Variants in WDPCP observed in about 807,000 individuals in gnomAD.
WDPCP encodes WD repeat-containing and planar cell polarity effector protein fritz homolog.
WDPCP carries 71 observed loss-of-function variants against 93.1 expected under a neutral mutation model. The observed-to-expected ratio is 0.76, with a 90% CI of 0.63 to 0.93. The LOEUF (loss-of-function observed/expected upper bound fraction) is 0.93. Ranked by LOEUF, WDPCP falls within the 40% of genes least tolerant of loss-of-function variation. The probability of loss-of-function intolerance (pLI) is 0.00; values close to 1 mark genes in which losing one functional copy is unlikely to be tolerated. For synonymous variants in WDPCP, 315 were observed against 315.0 expected (o/e 1.00, Z 0.00); for missense variants, 844 against 887.4 (o/e 0.95, Z 0.62).
At chr2:63,727,005 C>T (rs1270214406) in intron 2 of WDPCP, among the ~76,000 whole-genome samples, 1 of 152,194 alleles carries the variant, frequency 6.6e-6, no homozygotes, top group Non-Finnish European at 1.5e-5. Context: ...ATAAGTTTGA[C>T]TTCTCTCCCT....
chr2:63,622,093 A>AGTTTTT, intron 3 of WDPCP: 1 of 515,182 alleles, frequency 1.9e-6, no homozygotes, highest in Non-Finnish European at 2.5e-6. Flanking sequence ...TTGGAAGTTG[A>AGTTTTT]TTTTTAATGA....
chr2:63,347,770 T>C (rs1449666034), intron 12 of WDPCP, among the ~76,000 whole-genome samples: 1 of 151,180 alleles, frequency 6.6e-6, no homozygotes, highest in East Asian at 2.0e-4. Flanking sequence ...TGAGCTTTAT[T>C]GAGTCCCAGC....
At chr2:63,764,466 C>T (rs931511470) in intron 2 of WDPCP, among the ~76,000 whole-genome samples, 1 of 152,036 alleles carries the variant, frequency 6.6e-6, no homozygotes, top group Non-Finnish European at 1.5e-5. Flanking sequence ...CTGGGATGAT[C>T]CTGGAAGACC....
intron 14 of WDPCP, among the ~76,000 whole-genome samples, chr2:63,218,527 ATTT>A (rs1553563047): frequency 6.8e-6 from 1 of 147,846 alleles, no homozygotes; most frequent in Admixed American, 6.9e-5. Context: ...TTATTTATTT[ATTT>A]TATTATTATT....
intron 9 of WDPCP, among the ~76,000 whole-genome samples, chr2:63,420,237 TA>T (rs1285708043): frequency 6.6e-6 from 1 of 151,702 alleles, no homozygotes; most frequent in Admixed American, 6.6e-5. Flanking sequence ...ATGAAATAAA[TA>T]TTGGCCAGGC....
intron 2 of WDPCP, among the ~76,000 whole-genome samples, chr2:63,651,181 G>C (rs1710105029): frequency 6.6e-6 from 1 of 152,192 alleles, no homozygotes; most frequent in African/African-American, 2.4e-5. Flanking sequence ...GGAATGTTTA[G>C]AGAGGAAAAT....
chr2:63,673,153 T>A (rs979951892), intron 2 of WDPCP, among the ~76,000 whole-genome samples: 9 of 152,158 alleles, frequency 5.9e-5, no homozygotes, highest in African/African-American at 2.2e-4. Context: ...GGTACCTAAG[T>A]GCTTGATAAA....
intron 2 of WDPCP, among the ~76,000 whole-genome samples, chr2:63,664,450 G>C (rs191154794): frequency 6.6e-6 from 1 of 152,298 alleles, no homozygotes; most frequent in East Asian, 1.9e-4. Flanking sequence ...ACTGCCCCTG[G>C]ATACTGGAGG....
At chr2:63,569,546 A>G (rs1352181251) in intron 1 of WDPCP, among the ~76,000 whole-genome samples, 4 of 152,222 alleles carry the variant, frequency 2.6e-5, no homozygotes, top group Non-Finnish European at 5.9e-5. Flanking sequence ...AAAGACGGGA[A>G]GGTCCAAAGA....
At chr2:63,492,465 G>C (rs1700946998) in intron 2 of WDPCP, among the ~76,000 whole-genome samples, 1 of 151,050 alleles carries the variant, frequency 6.6e-6, no homozygotes, top group Admixed American at 6.6e-5. Context: ...AAAAAAAATT[G>C]AATATGTATC....
chr2:63,211,180 G>A (rs1015642156), intron 14 of WDPCP, among the ~76,000 whole-genome samples: 4 of 152,190 alleles, frequency 2.6e-5, no homozygotes, highest in Non-Finnish European at 5.9e-5. Flanking sequence ...CCTGACCCCC[G>A]AGTAGCCTAA....
Position 63,796,731 on chromosome 2 carries a change from T to C in WDPCP, n.308+16891A>G, listed in dbSNP as rs546901817. Among the ~76,000 whole-genome samples, 29 of 152,312 alleles carry C rather than the reference T, an allele frequency of 1.9e-4. No individual in the cohort carries two copies. The South Asian group carries it at 6.0e-3, about 32-fold the overall frequency. On this transcript the variant is annotated intron_variant and non_coding_transcript_variant, in intron 2 of 4. Transcript: ENST00000467687. ...GAGTTCTTACTACCACAGGATAAAA[T>C]GCTCTGGGATCCTAAATAAACTTGA...
intron 6 of WDPCP, among the ~76,000 whole-genome samples, chr2:63,461,892 G>A (rs1456383839): frequency 1.3e-5 from 2 of 152,170 alleles, no homozygotes; most frequent in Non-Finnish European, 2.9e-5. Flanking sequence ...AAGCAGAGGA[G>A]TAACAAATTT....
chr2:63,529,770 T>C (rs893118869), intron 1 of WDPCP, among the ~76,000 whole-genome samples: 11 of 152,194 alleles, frequency 7.2e-5, no homozygotes, highest in East Asian at 1.9e-4. Context: ...TCAGAAGGAA[T>C]GGTACCAGCT....
At chr2:63,506,981 GAGAA>G (rs749168418) in intron 1 of WDPCP, among the ~76,000 whole-genome samples, 8 of 152,058 alleles carry the variant, frequency 5.3e-5, no homozygotes, top group Admixed American at 1.3e-4. Flanking sequence ...GAAACGTACA[GAGAA>G]AGAGAGAGAG....
chr2:63,175,063 T>C (rs1243085568), intron 14 of WDPCP, among the ~76,000 whole-genome samples: 1 of 152,184 alleles, frequency 6.6e-6, no homozygotes, highest in Non-Finnish European at 1.5e-5. Context: ...AAAAATTCAT[T>C]TATATCTTGC....
At chr2:63,692,978 T>C (rs181243299) in intron 2 of WDPCP, among the ~76,000 whole-genome samples, 41 of 152,330 alleles carry the variant, frequency 2.7e-4, no homozygotes, top group Admixed American at 2.1e-3. Flanking sequence ...ATGTATAAAT[T>C]CATTTAATTC....
intron 1 of WDPCP, among the ~76,000 whole-genome samples, chr2:63,575,237 T>A (rs1707833253): frequency 1.3e-5 from 2 of 150,820 alleles, no homozygotes; most frequent in Admixed American, 6.6e-5. Context: ...TGTATTGTTC[T>A]CTACTATAGA....
chr2:63,194,834 TTAAACAAGATCAGATTTCAGTTTTCA>T (rs1285955039), intron 14 of WDPCP, among the ~76,000 whole-genome samples: 2 of 152,182 alleles, frequency 1.3e-5, no homozygotes, highest in Admixed American at 6.5e-5. Context: ...AGAAACTTTC[TTAAACAAGATCAGATTTCAGTTTTCA>T]TTGCTTGTTG....
Sources: allele counts gnomAD v4.1 joint callset (sites outside exome capture counted in the v4.1 genomes callset), GRCh38; gene constraint gnomAD v4.1.1; transcripts MANE v1.5; gene names NCBI Gene and HGNC (gene_info 2026-07-23, HGNC 2026-07-21).